Variants in EWSR1 observed in about 807,000 individuals in gnomAD.
The protein encoded by EWSR1 is RNA-binding protein EWS.
Under a neutral mutation model 92.1 loss-of-function variants are expected in EWSR1, and 14 were observed. The ratio of observed to expected loss-of-function variants is 0.15; its 90% CI spans 0.10 to 0.24. The LOEUF is 0.24. EWSR1 is among the 10% of genes least tolerant of loss of function. The probability of loss-of-function intolerance (pLI) is 1.00; values close to 1 mark genes in which losing one functional copy is unlikely to be tolerated. For missense variants in EWSR1, 637 were observed against 870.9 expected, an observed-to-expected ratio of 0.73 and a Z score of 3.38; for synonymous variants, 303 against 292.9, an observed-to-expected ratio of 1.03 and a Z score of -0.35.
At chr22:29,296,109 G>T (rs1458947890) in intron 11 of EWSR1, 130 bp from the exon 12 acceptor site, 2 of 921,098 alleles carry the variant, frequency 2.2e-6, no homozygotes, top group African/African-American at 3.4e-5. Context: ...AAACTTAAAA[G>T]CGGAGAAACG....
rs571961306 is a variant in EWSR1 at position 29,272,443 on chromosome 22, AATAATTAC to A, written c.102+15_102+22del. On this transcript the variant is annotated intron_variant, in intron 3 of 16. Coordinates refer to ENST00000397938, the MANE Select transcript of EWSR1 (RefSeq NM_005243.4). ...CACAGACCACCCAGGTAATCTTTAA[AATAATTAC>A]ATGTAGCTGCACCTCCAAGTAAAAT... The A allele has an allele frequency of 7.3e-3, 11,796 of 1,611,616 alleles. 59 individuals are homozygous for A. The highest frequency in any genetic ancestry group is 8.7e-3 in the Middle Eastern group (40 of 4,596).
chr22:29,268,457 G>A, intron 1 of EWSR1, 108 bp downstream of exon 1: 2 of 1,587,452 alleles, frequency 1.3e-6, no homozygotes, highest in Non-Finnish European at 1.7e-6. Flanking sequence ...TGCCGAGAGG[G>A]GGTTGAGGCA....
At chr22:29,271,566 G>A (rs1349447843) in intron 1 of EWSR1, among the ~76,000 whole-genome samples, 1 of 152,148 alleles carries the variant, frequency 6.6e-6, no homozygotes, top group Non-Finnish European at 1.5e-5. Context: ...AGTCTTCAGG[G>A]TTCTGCCTTA....
chr22:29,291,494 C>T (rs1333256595), intron 8 of EWSR1, 68 bp from the exon 9 acceptor site: 1 of 1,501,136 alleles, frequency 6.7e-7, no homozygotes, highest in Non-Finnish European at 9.1e-7. Flanking sequence ...CCCACGAGCC[C>T]CCCCAAGGCT....
intron 1 of EWSR1, among the ~76,000 whole-genome samples, chr22:29,271,493 T>C (rs998388468): frequency 6.6e-6 from 1 of 152,222 alleles, no homozygotes; most frequent in Non-Finnish European, 1.5e-5. Context: ...TTTTGAGTTG[T>C]ATGAAAGACA....
In EWSR1 at chr22:29,288,593, A is replaced by G. The variant is rs1404156496; in HGVS notation, c.794-13A>G. ...TGCTGGTCCATGGCTTACAGATGTG[A>G]CTCTTTCCTCAGGTTCATTCCGACA... On this transcript the variant is annotated splice_polypyrimidine_tract_variant and intron_variant, in intron 7 of 16. Transcript: ENST00000397938. 2.5e-6 allele frequency: 4 copies of G among 1,603,808 alleles called. No individual in the cohort carries two copies. Among genetic ancestry groups the G allele is most frequent in the South Asian group, 1.1e-5 (1 of 89,970 alleles).
At chr22:29,278,997 A>C (rs192958744) in intron 5 of EWSR1, among the ~76,000 whole-genome samples, 59 of 151,654 alleles carry the variant, frequency 3.9e-4, no homozygotes, top group Admixed American at 9.8e-4. Flanking sequence ...TTCACCTCAA[A>C]AAAAAAAAAA....
chr22:29,277,018 A>G (rs956626948), intron 4 of EWSR1: 9 of 230,636 alleles, frequency 3.9e-5, no homozygotes, highest in East Asian at 3.1e-4. Flanking sequence ...CAGGAAAGGT[A>G]CTCTAGTTAG....
In EWSR1 at chr22:29,288,626, C is replaced by G. The variant is rs755258124; in HGVS notation, c.814C>G (p.Pro272Ala). ...CTCAGGTTCATTCCGACAGGACCAC[C>G]CCAGTAGCATGGGTGTTTATGGGCA... ...GQQSSFRQDH[P>A]SSMGVYGQES... The change falls in exon 8 of 17, where the codon CCC becomes GCC. Residue 272 changes from proline (P) to alanine (A), a missense_variant. By Grantham distance (27) the Pro-to-Ala change is conservative. Around this residue, in one of 5 missense-constraint regions of EWSR1, gnomAD observed 116 missense variants for 167.8 expected, o/e 0.69. Coordinates refer to ENST00000397938, the MANE Select transcript of EWSR1 (RefSeq NM_005243.4). The G allele has an allele frequency of 1.2e-6, 2 of 1,612,852 alleles. No individual in the cohort carries two copies.
At chr22:29,277,999 T>G in intron 4 of EWSR1, 31 bp from the exon 5 acceptor site, 1 of 1,599,016 alleles carries the variant, frequency 6.3e-7, no homozygotes, top group Non-Finnish European at 8.6e-7. Flanking sequence ...TGAGGGGACC[T>G]GAAATCTGAT....
chr22:29,269,960 C>T (rs140828017), intron 1 of EWSR1, among the ~76,000 whole-genome samples: 5 of 152,186 alleles, frequency 3.3e-5, no homozygotes, highest in African/African-American at 1.2e-4. Context: ...AAAGTAAACA[C>T]ATTAGGCCTG....
chr22:29,287,191 G>T, intron 7 of EWSR1, 57 bp downstream of exon 7: 1 of 1,533,370 alleles, frequency 6.5e-7, no homozygotes, highest in East Asian at 2.4e-5. Context: ...GTTTTTTTGT[G>T]GGGTTGATTT....
In EWSR1 at chr22:29,298,906, G is replaced by T; in HGVS notation, c.1580+11G>T. The T allele has an allele frequency of 6.5e-7, 1 of 1,532,774 alleles. No homozygotes were observed. Among genetic ancestry groups the T allele is most frequent in the Non-Finnish European group, 8.7e-7 (1 of 1,146,332 alleles). 94.9% of individuals were successfully genotyped at this position (1,532,774 alleles called of 1,614,324 possible). A position where few individuals can be genotyped will look rare whatever the true frequency, so the allele number is the denominator to read the frequency against. On this transcript the variant is annotated intron_variant, in intron 14 of 16. Coordinates refer to ENST00000397938, the MANE Select transcript of EWSR1 (RefSeq NM_005243.4). The stretch of plus-strand genomic sequence containing the variant: ...GCAGTGTCCCAATCCGTATGTACTT[G>T]TCTTGGCAAATTGATACCCTACGAG...
In EWSR1 at chr22:29,268,303, C is replaced by T; in HGVS notation, c.-34C>T. On this transcript the variant is annotated 5_prime_UTR_variant, in exon 1 of 17. In the 5' UTR this introduces an upstream ATG that the reference lacks. Transcript: ENST00000397938. The stretch of plus-strand genomic sequence containing the variant: ...GCCTAGAGGGAAAGCGAGAGGGAGA[C>T]GGACGTTGAGAGAACGAGGAGGAAG... The T allele has an allele frequency of 6.2e-7, 1 of 1,611,026 alleles. No homozygotes were observed. The highest frequency in any genetic ancestry group is 8.5e-7 in the Non-Finnish European group (1 of 1,177,208).
chr22:29,289,415 G>C (rs913838640), intron 8 of EWSR1: 5 of 231,436 alleles, frequency 2.2e-5, no homozygotes, highest in Non-Finnish European at 4.3e-5. Flanking sequence ...AAATCGGTTT[G>C]ACCATTTTGA....
chr22:29,281,917 CAT>C (rs1346108565), intron 5 of EWSR1, among the ~76,000 whole-genome samples: 1 of 152,118 alleles, frequency 6.6e-6, no homozygotes, highest in Non-Finnish European at 1.5e-5. Flanking sequence ...AAATGAGAAA[CAT>C]AAACCCACAA....
chr22:29,299,506 C>T (rs374995617), intron 15 of EWSR1, 93 bp from the exon 16 acceptor site: 3 of 1,501,052 alleles, frequency 2.0e-6, no homozygotes, highest in South Asian at 2.7e-5. Flanking sequence ...GTTTGTTCTG[C>T]TGTGAGAGAA....
At chr22:29,278,735 G>C (rs1036976352) in intron 5 of EWSR1, among the ~76,000 whole-genome samples, 1 of 151,964 alleles carries the variant, frequency 6.6e-6, no homozygotes, top group African/African-American at 2.4e-5. Context: ...TGAGGCAGGA[G>C]AATGTCATGA....
At chr22:29,290,154 A>G (rs2147476681) in intron 8 of EWSR1, 2 of 346,972 alleles carry the variant, frequency 5.8e-6, no homozygotes, top group East Asian at 4.3e-5. Context: ...TCTTGCAGCC[A>G]TAGAAGAGAC....
Sources: allele counts gnomAD v4.1 joint callset (sites outside exome capture counted in the v4.1 genomes callset), GRCh38; gene constraint gnomAD v4.1.1; regional missense constraint gnomAD v4.1.1; transcripts MANE v1.5; gene names NCBI Gene and HGNC (gene_info 2026-07-23, HGNC 2026-07-21).